The following ZNG1A variants were observed in gnomAD, a reference collection of about 807,000 sequenced individuals.
ZNG1A encodes zinc-regulated GTPase metalloprotein activator 1A.
the ZNG1A span, chr9:177,893 T>G: frequency 1.3e-6 from 2 of 1,509,616 alleles, no homozygotes; most frequent in African/African-American, 2.8e-5. Context: ...AAACTTACAG[T>G]CTACAAAGTT....
the ZNG1A span, among the ~76,000 whole-genome samples, chr9:152,728 AT>A: frequency 2.0e-5 from 3 of 150,422 alleles, no homozygotes; most frequent in South Asian, 4.3e-4. Flanking sequence ...CACCTCATCT[AT>A]TTATCTTTTC....
the ZNG1A span, among the ~76,000 whole-genome samples, chr9:136,918 T>C: frequency 6.7e-6 from 1 of 150,284 alleles, no homozygotes; most frequent in Non-Finnish European, 1.5e-5. Flanking sequence ...GGTGCAAGCC[T>C]GTAGTCCCAG....
chr9:156,441 C>T, the ZNG1A span: 4 of 1,557,966 alleles, frequency 2.6e-6, no homozygotes, highest in Non-Finnish European at 3.5e-6. Flanking sequence ...TTTCTCTTTA[C>T]AATTAGCCAG....
At chr9:154,236 A>C in the ZNG1A span, 21 of 168,578 alleles carry the variant, frequency 1.2e-4, no homozygotes, top group South Asian at 3.8e-3. Context: ...GAGTCAGGGA[A>C]GACTTCACAT....
At chr9:162,761 A>G in the ZNG1A span, among the ~76,000 whole-genome samples, 1 of 150,822 alleles carries the variant, frequency 6.6e-6, no homozygotes, top group Non-Finnish European at 1.5e-5. Context: ...TTGGCACTGA[A>G]AAAGCTTACA....
At chr9:174,731 T>A in the ZNG1A span, among the ~76,000 whole-genome samples, 2 of 151,342 alleles carry the variant, frequency 1.3e-5, no homozygotes, top group Non-Finnish European at 2.9e-5. Context: ...ATAGTACATT[T>A]TAAAAGAAAT....
chr9:133,431 C>G, the ZNG1A span, among the ~76,000 whole-genome samples: 12 of 149,740 alleles, frequency 8.0e-5, no homozygotes, highest in East Asian at 1.8e-3. Flanking sequence ...TCTACTCTTA[C>G]GCACGTTTGA....
At chr9:130,125 A>G in the ZNG1A span, among the ~76,000 whole-genome samples, 1 of 151,140 alleles carries the variant, frequency 6.6e-6, no homozygotes, top group Admixed American at 6.6e-5. Flanking sequence ...GCGGTGCATG[A>G]CTATACTTAT....
At chr9:176,932 A>C in the ZNG1A span, among the ~76,000 whole-genome samples, 1 of 152,172 alleles carries the variant, frequency 6.6e-6, no homozygotes, top group Non-Finnish European at 1.5e-5. Context: ...AAAAGTGAAC[A>C]AGATAGTCTC....
chr9:145,707 A>G, the ZNG1A span, among the ~76,000 whole-genome samples: 46 of 151,856 alleles, frequency 3.0e-4, no homozygotes, highest in South Asian at 2.5e-3. Context: ...ATAATAAATA[A>G]ATAAATTTTA....
chr9:139,920 G>A, the ZNG1A span, among the ~76,000 whole-genome samples: 1 of 150,488 alleles, frequency 6.6e-6, no homozygotes, highest in Admixed American at 6.6e-5. Context: ...CTGGAAGATC[G>A]GGTCACTCCC....
At chr9:139,363 G>C in the ZNG1A span, among the ~76,000 whole-genome samples, 1 of 148,608 alleles carries the variant, frequency 6.7e-6, no homozygotes, top group Non-Finnish European at 1.5e-5. Flanking sequence ...GGGCTATGAA[G>C]ACAGGGAAAT....
At chr9:144,864 AC>A in the ZNG1A span, among the ~76,000 whole-genome samples, 24 of 150,548 alleles carry the variant, frequency 1.6e-4, no homozygotes, top group African/African-American at 5.4e-4. Flanking sequence ...AAAACAAACA[AC>A]CCCATCAAAA....
chr9:175,918 G>A, the ZNG1A span: 1 of 1,381,354 alleles, frequency 7.2e-7, no homozygotes, highest in South Asian at 1.6e-5. Flanking sequence ...GAATATCCTA[G>A]AGGATAAGAT....
chr9:162,154 G>A, the ZNG1A span, among the ~76,000 whole-genome samples: 1 of 148,970 alleles, frequency 6.7e-6, no homozygotes, highest in Non-Finnish European at 1.5e-5. Flanking sequence ...GAATCCTTGT[G>A]AAGAGTTATA....
the ZNG1A span, among the ~76,000 whole-genome samples, chr9:168,318 T>A: frequency 0.032 from 4,932 of 151,906 alleles, 248 homozygotes; most frequent in African/African-American, 0.11. Context: ...CAATGTGCAA[T>A]CTCAGCTCAC....
the ZNG1A span, among the ~76,000 whole-genome samples, chr9:140,095 G>C: frequency 3.2e-4 from 49 of 150,856 alleles, 2 homozygotes; most frequent in East Asian, 1.2e-3. Context: ...GAGGGGCGCT[G>C]GCCATTGCCC....
the ZNG1A span, among the ~76,000 whole-genome samples, chr9:126,716 C>T: frequency 4.6e-5 from 7 of 151,610 alleles, no homozygotes; most frequent in Admixed American, 6.6e-5. Context: ...CATTTAATTC[C>T]GCTCTGATCT....
chr9:161,947 C>G, the ZNG1A span, among the ~76,000 whole-genome samples: 1 of 150,748 alleles, frequency 6.6e-6, no homozygotes, highest in Non-Finnish European at 1.5e-5. Flanking sequence ...TCAGGATGTG[C>G]AGGTTTGTTA....
Sources: allele counts gnomAD v4.1 joint callset (sites outside exome capture counted in the v4.1 genomes callset), GRCh38; gene constraint gnomAD v4.1.1; transcripts MANE v1.5; gene names NCBI Gene and HGNC (gene_info 2026-07-23, HGNC 2026-07-21).